Variants in FBXL7 observed in about 807,000 individuals in gnomAD.
FBXL7 encodes the protein F-box/LRR-repeat protein 7.
In FBXL7, 12 loss-of-function variants were observed where a neutral mutation model predicts 38.3. The observed-to-expected ratio is 0.31, with a 90% CI of 0.20 to 0.51. The LOEUF is 0.51. Ranked by LOEUF, FBXL7 falls within the 20% of genes least tolerant of loss-of-function variation. The pLI, the probability that FBXL7 is intolerant of heterozygous loss-of-function variation, is 0.98. For missense variants in FBXL7, 567 were observed against 676.4 expected (o/e 0.84, Z 1.79); for synonymous variants, 297 against 300.9 (o/e 0.99, Z 0.13).
At chr5:15,702,073 A>G (rs1743540595) in intron 2 of FBXL7, among the ~76,000 whole-genome samples, 1 of 152,012 alleles carries the variant, frequency 6.6e-6, no homozygotes, top group South Asian at 2.1e-4. Flanking sequence ...CCCCCTCTCT[A>G]CTAAAAATAC....
intron 2 of FBXL7, among the ~76,000 whole-genome samples, chr5:15,833,026 T>C (rs1455110749): frequency 6.6e-6 from 1 of 152,178 alleles, no homozygotes; most frequent in South Asian, 2.1e-4. Context: ...TTCTCTTGTC[T>C]GCCCTCATAT....
chr5:15,872,366 A>C (rs1266568241), intron 2 of FBXL7, among the ~76,000 whole-genome samples: 1 of 152,210 alleles, frequency 6.6e-6, no homozygotes, highest in Non-Finnish European at 1.5e-5. Context: ...AGCTGCATCA[A>C]CTAGCCAGCT....
At chr5:15,826,138 C>T (rs1349154863) in intron 2 of FBXL7, among the ~76,000 whole-genome samples, 1 of 152,136 alleles carries the variant, frequency 6.6e-6, no homozygotes, top group Non-Finnish European at 1.5e-5. Context: ...TTGAAGCCAA[C>T]GTTTTTGTGA....
chr5:15,797,893 T>G (rs1737458752), intron 2 of FBXL7, among the ~76,000 whole-genome samples: 1 of 152,212 alleles, frequency 6.6e-6, no homozygotes, highest in Non-Finnish European at 1.5e-5. Flanking sequence ...ATCTCAGTCA[T>G]AGGAAATATT....
At chr5:15,609,079 T>G (rs148312992) in intron 1 of FBXL7, among the ~76,000 whole-genome samples, 27 of 152,324 alleles carry the variant, frequency 1.8e-4, no homozygotes, top group African/African-American at 6.5e-4. Flanking sequence ...TTTAACACTG[T>G]AAACCACAGA....
At chr5:15,731,040 C>CT (rs1234763983) in intron 2 of FBXL7, among the ~76,000 whole-genome samples, 1 of 152,122 alleles carries the variant, frequency 6.6e-6, no homozygotes, top group Non-Finnish European at 1.5e-5. Flanking sequence ...TTTACTGCAA[C>CT]TGGGAGGGCA....
intron 1 of FBXL7, among the ~76,000 whole-genome samples, chr5:15,582,227 C>T (rs1054015416): frequency 2.0e-5 from 3 of 152,200 alleles, no homozygotes; most frequent in Admixed American, 6.5e-5. Context: ...GTGTGAGGCA[C>T]CACACCCAGC....
chr5:15,601,444 TCAG>T (rs1286398501), intron 1 of FBXL7, among the ~76,000 whole-genome samples: 3 of 152,218 alleles, frequency 2.0e-5, no homozygotes, highest in African/African-American at 7.2e-5. Flanking sequence ...GCACCATCTG[TCAG>T]CAGCCGCAGC....
chr5:15,559,025 A>G (rs1246583857), intron 1 of FBXL7, among the ~76,000 whole-genome samples: 1 of 152,256 alleles, frequency 6.6e-6, no homozygotes, highest in Non-Finnish European at 1.5e-5. Context: ...GGCAGAGAGT[A>G]AGTACACAAT....
intron 2 of FBXL7, among the ~76,000 whole-genome samples, chr5:15,882,605 T>C (rs1740502644): frequency 6.6e-6 from 1 of 152,218 alleles, no homozygotes; most frequent in African/African-American, 2.4e-5. Context: ...AAGTCACTAG[T>C]CAGAAACAGA....
chr5:15,722,930 C>CAAAAAAAAAAAAAAAA (rs1554017097), intron 2 of FBXL7, among the ~76,000 whole-genome samples: 3 of 142,080 alleles, frequency 2.1e-5, no homozygotes, highest in African/African-American at 7.9e-5. Context: ...TCAAAAAAAA[C>CAAAAAAAAAAAAAAAA]AAAAAAAAAA....
chr5:15,591,020 C>T (rs1939858466), intron 1 of FBXL7, among the ~76,000 whole-genome samples: 1 of 152,118 alleles, frequency 6.6e-6, no homozygotes, highest in South Asian at 2.1e-4. Context: ...CCACAGCTTG[C>T]CCTTTTTATT....
intron 1 of FBXL7, among the ~76,000 whole-genome samples, chr5:15,591,081 T>G (rs189562218): frequency 9.6e-4 from 146 of 152,256 alleles, no homozygotes; most frequent in Non-Finnish European, 1.3e-3. Context: ...CTTGAATGAT[T>G]ACAATTCCAT....
chr5:15,920,451 T>C (rs10520830), intron 2 of FBXL7, among the ~76,000 whole-genome samples: 57,798 of 152,000 alleles, frequency 0.38, 11,440 homozygotes, highest in Admixed American at 0.53. Context: ...AAATGTCTAT[T>C]GCTGTATATT....
chr5:15,824,558 A>G (rs904423930), intron 2 of FBXL7, among the ~76,000 whole-genome samples: 4 of 152,212 alleles, frequency 2.6e-5, no homozygotes, highest in Admixed American at 6.5e-5. Flanking sequence ...ATAGAAAAAA[A>G]AAAGGTTTTC....
At chr5:15,552,463 A>G (rs906822265) in intron 1 of FBXL7, among the ~76,000 whole-genome samples, 8 of 152,232 alleles carry the variant, frequency 5.3e-5, no homozygotes, top group African/African-American at 1.7e-4. Flanking sequence ...TCCATGGCCT[A>G]GATTTCCCCA....
At position 15,708,151 on chromosome 5, in the gene FBXL7, G is replaced by C. The variant is rs550491896; in HGVS notation, c.127+92079G>C. 8.5e-5 allele frequency among the ~76,000 whole-genome samples: 13 copies of C among 152,222 alleles called. No homozygotes were observed. The South Asian group carries it at 2.7e-3, about 32-fold the overall frequency. ...TTATGCCAGGGCTAGGTTGGTATCC[G>C]ATCATGGATGGTATCTGGCTACCTT... On this transcript the variant is annotated intron_variant, in intron 2 of 3. Transcript: ENST00000504595.
chr5:15,723,915 C>T (rs192887097), intron 2 of FBXL7, among the ~76,000 whole-genome samples: 53 of 152,236 alleles, frequency 3.5e-4, no homozygotes, highest in African/African-American at 1.2e-3. Context: ...ATTTCTGATG[C>T]AAGATAACAC....
At chr5:15,675,930 A>G (rs1039350637) in intron 2 of FBXL7, among the ~76,000 whole-genome samples, 1 of 152,226 alleles carries the variant, frequency 6.6e-6, no homozygotes, top group African/African-American at 2.4e-5. Flanking sequence ...CATCATAAGA[A>G]CACAAAGCAA....
Sources: gnomAD v4.1 joint callset for allele counts (sites outside exome capture counted in the v4.1 genomes callset) on GRCh38, gnomAD v4.1.1 for gene constraint, MANE v1.5 for transcripts, NCBI Gene and HGNC (gene_info 2026-07-23, HGNC 2026-07-21) for gene names.